Variants in MROH1 observed in about 807,000 individuals in gnomAD.
The protein encoded by MROH1 is maestro heat-like repeat-containing protein family member 1.
In MROH1, 117 loss-of-function variants were observed where a neutral mutation model predicts 116.5. The ratio of observed to expected loss-of-function variants is 1.00; its 90% CI spans 0.86 to 1.17. The LOEUF (loss-of-function observed/expected upper bound fraction) is 1.17, where lower values mean the gene tolerates loss of function less well. Ranked by LOEUF, MROH1 falls within the 50% of genes most tolerant of loss-of-function variation. The pLI is 0.00. For synonymous variants in MROH1, 921 were observed against 583.9 expected (o/e 1.58, Z -8.32); for missense variants, 1,873 against 1,338.5 (o/e 1.40, Z -6.23).
At chr8:144,190,761 C>T (rs747088255) in intron 7 of MROH1, 23 bp from the exon 8 acceptor site, 19 of 1,608,986 alleles carry the variant, frequency 1.2e-5, no homozygotes, top group Non-Finnish European at 1.5e-5. Flanking sequence ...CCTGCAGCCA[C>T]TTACCACTGG....
intron 4 of MROH1, 151 bp from the exon 5 acceptor site, chr8:144,179,304 G>A (rs1824920795): frequency 8.6e-7 from 1 of 1,158,792 alleles, no homozygotes; most frequent in African/African-American, 1.5e-5. Context: ...CCGGCTTTTA[G>A]GGCGTGAGGA....
At chr8:144,156,476 G>A (rs1818117539) in intron 1 of MROH1, among the ~76,000 whole-genome samples, 1 of 151,954 alleles carries the variant, frequency 6.6e-6, no homozygotes, top group Non-Finnish European at 1.5e-5. Flanking sequence ...GGAGGCCGAG[G>A]CCGGCGGATT....
At chr8:144,171,396 G>A (rs1822408253) in intron 4 of MROH1, among the ~76,000 whole-genome samples, 1 of 152,210 alleles carries the variant, frequency 6.6e-6, no homozygotes, top group South Asian at 2.1e-4. Flanking sequence ...GGAGGGGCGC[G>A]GAGCTCCCGG....
intron 20 of MROH1, 64 bp downstream of exon 20, chr8:144,240,741 G>T (rs1840834506): frequency 1.4e-6 from 1 of 704,454 alleles, no homozygotes; most frequent in Non-Finnish European, 2.6e-6. Flanking sequence ...TCTCGTGTCT[G>T]TCACTTGCTG....
intron 7 of MROH1, among the ~76,000 whole-genome samples, chr8:144,185,570 G>A (rs1236101332): frequency 1.5e-5 from 2 of 135,272 alleles, no homozygotes; most frequent in Admixed American, 1.5e-4. Context: ...GGGCGGTGAG[G>A]GGCGGCGCAG....
rs372249226 is a variant in MROH1 at position 144,180,305 on chromosome 8, T to A, written c.428T>A (p.Val143Glu). The A allele has an allele frequency of 4.4e-6, 7 of 1,606,844 alleles. No individual in the cohort carries two copies. Among genetic ancestry groups the A allele is most frequent in the Non-Finnish European group, 5.9e-6 (7 of 1,179,574 alleles). ...CCTGGGACCCTGCCACACTGCGCCG[T>A]GCTGCACACCCTCGCCAGCCTCTCG... ...LHPGTLPHCA[V>E]LHTLASLSVA... Residue 143 changes from valine (V) to glutamate (E), a missense_variant, in exon 6 of 44, where the codon GTG (valine) becomes GAG (glutamate). Physicochemically the swap from Val to Glu is moderately radical, Grantham distance 121. Transcript: ENST00000326134. The surrounding 1 kb of genome is among the most constrained non-coding windows in gnomAD (Gnocchi z 7.4).
At chr8:144,235,717 T>C (rs1839931200) in intron 14 of MROH1, among the ~76,000 whole-genome samples, 1 of 152,206 alleles carries the variant, frequency 6.6e-6, no homozygotes, top group East Asian at 1.9e-4. Flanking sequence ...TTTTTATACA[T>C]TGTTGTGTTC....
intron 12 of MROH1, among the ~76,000 whole-genome samples, chr8:144,208,288 T>C (rs1833305574): frequency 6.6e-6 from 1 of 152,228 alleles, no homozygotes; most frequent in Non-Finnish European, 1.5e-5. Context: ...CCAGTCTCAC[T>C]TGTTGAAAAG....
chr8:144,199,099 C>A (rs974384292), intron 10 of MROH1, 23 bp from the exon 11 acceptor site: 24 of 1,610,642 alleles, frequency 1.5e-5, no homozygotes, highest in Non-Finnish European at 2.0e-5. Flanking sequence ...TGGTCTATAA[C>A]CTCGGCCCCG....
intron 1 of MROH1, among the ~76,000 whole-genome samples, chr8:144,156,385 G>C (rs1011430980): frequency 2.6e-5 from 4 of 151,802 alleles, no homozygotes; most frequent in Admixed American, 6.6e-5. Context: ...AGATGATCGT[G>C]ATGTGAATTA....
intron 4 of MROH1, among the ~76,000 whole-genome samples, chr8:144,175,822 G>C (rs570173368): frequency 6.6e-6 from 1 of 152,192 alleles, no homozygotes; most frequent in Admixed American, 6.5e-5. Flanking sequence ...AGGCCGAGGC[G>C]GGCAGATCAC....
intron 5 of MROH1, 99 bp downstream of exon 5, chr8:144,179,685 G>GGT: frequency 2.1e-6 from 3 of 1,461,276 alleles, no homozygotes; most frequent in Non-Finnish European, 2.8e-6. Flanking sequence ...AGTATAGGGT[G>GGT]GTGTTTGGCT....
intron 12 of MROH1, among the ~76,000 whole-genome samples, chr8:144,207,394 G>T (rs990876024): frequency 6.6e-6 from 1 of 152,030 alleles, no homozygotes; most frequent in African/African-American, 2.4e-5. Flanking sequence ...CACCATGTTG[G>T]CCAGGATGGT....
intron 37 of MROH1, 89 bp downstream of exon 37, chr8:144,259,443 G>GC: frequency 2.8e-6 from 2 of 706,890 alleles, no homozygotes; most frequent in Non-Finnish European, 2.6e-6. Flanking sequence ...CCCCTAAAAG[G>GC]CCCCCTCGAC....
Position 144,247,630 on chromosome 8 carries a change from T to C in MROH1, c.3071T>C (p.Val1024Ala). Reference protein sequence around the residue: ...ERLLSLKDGLVHPDPAILFHT... With the variant: ...ERLLSLKDGLAHPDPAILFHT... ...CTCCTCAGCCTCAAGGACGGCCTCG[T>C]GCACCCTGACCCCGCCATTCTCTTC... Residue 1024 changes from valine (V) to alanine (A), a missense_variant, in exon 31 of 44, where the codon GTG becomes GCG. Val to Ala is a moderately conservative substitution (Grantham distance 64). Transcript: ENST00000326134. 1 of 766,814 alleles carries C rather than the reference T, an allele frequency of 1.3e-6. No homozygotes were observed. The highest frequency in any genetic ancestry group is 2.4e-6 in the Non-Finnish European group (1 of 415,830). 47.5% of individuals were successfully genotyped at this position (766,814 alleles called of 1,614,324 possible).
chr8:144,177,447 C>A (rs1313093472), intron 4 of MROH1, among the ~76,000 whole-genome samples: 1 of 152,210 alleles, frequency 6.6e-6, no homozygotes, highest in Non-Finnish European at 1.5e-5. Flanking sequence ...ACTATTGTTT[C>A]TCCTCCAAAC....
intron 10 of MROH1, among the ~76,000 whole-genome samples, chr8:144,193,569 A>G (rs1829140745): frequency 6.6e-6 from 1 of 152,194 alleles, no homozygotes; most frequent in Non-Finnish European, 1.5e-5. Context: ...TACTGAACCC[A>G]AGACCATACT....
intron 13 of MROH1, among the ~76,000 whole-genome samples, chr8:144,221,425 C>T (rs1005779187): frequency 6.6e-6 from 1 of 152,114 alleles, no homozygotes; most frequent in African/African-American, 2.4e-5. Flanking sequence ...AAAGTTAGGA[C>T]TGCACCCAGG....
intron 12 of MROH1, among the ~76,000 whole-genome samples, chr8:144,208,923 T>C (rs751057355): frequency 2.0e-5 from 3 of 151,940 alleles, no homozygotes; most frequent in Non-Finnish European, 4.4e-5. Flanking sequence ...AGGGTTTCAC[T>C]GTGTTGGCCA....
Sources: allele counts gnomAD v4.1 joint callset (sites outside exome capture counted in the v4.1 genomes callset), GRCh38; gene constraint gnomAD v4.1.1; non-coding constraint Gnocchi (gnomAD v3.1); transcripts MANE v1.5; gene names NCBI Gene and HGNC (gene_info 2026-07-23, HGNC 2026-07-21).